The following IL1RAPL2 variants were observed in gnomAD, a reference collection of about 807,000 sequenced individuals.
IL1RAPL2 encodes X-linked interleukin-1 receptor accessory protein-like 2.
Under a neutral mutation model 44.1 loss-of-function variants are expected in IL1RAPL2, and 3 were observed. The observed-to-expected ratio is 0.07, with a 90% confidence interval of 0.03 to 0.18. The LOEUF (loss-of-function observed/expected upper bound fraction) is 0.18, where lower values mean the gene tolerates loss of function less well. Among genes scored for constraint, IL1RAPL2 ranks in the 10% least tolerant of loss-of-function variants. The probability of loss-of-function intolerance (pLI) is 1.00; values close to 1 mark genes in which losing one functional copy is unlikely to be tolerated. For synonymous variants in IL1RAPL2, 181 were observed against 178.8 expected, an observed-to-expected ratio of 1.01 and a Z score of -0.10; for missense variants, 391 against 496.4, an observed-to-expected ratio of 0.79 and a Z score of 2.02.
intron 6 of IL1RAPL2, among the ~76,000 whole-genome samples, chrX:105,601,053 C>T (rs1569457709): frequency 9.0e-6 from 1 of 111,440 alleles, no homozygotes; most frequent in East Asian, 2.8e-4. Flanking sequence ...TTTGTATATC[C>T]TGTTCTATGA....
At chrX:105,236,746 A>G (rs2034123328) in intron 4 of IL1RAPL2, among the ~76,000 whole-genome samples, 1 of 112,455 alleles carries the variant, frequency 8.9e-6, no homozygotes, top group African/African-American at 3.2e-5. Flanking sequence ...AAAATGTACC[A>G]ACATATTAGG....
chrX:104,861,769 T>A (rs1922501774), intron 2 of IL1RAPL2, among the ~76,000 whole-genome samples: 1 of 111,849 alleles, frequency 8.9e-6, no homozygotes, highest in Admixed American at 9.5e-5. Context: ...TTACTTTCAA[T>A]ACCTAATAAA....
chrX:105,540,523 T>C (rs1414348279), intron 6 of IL1RAPL2, among the ~76,000 whole-genome samples: 1 of 108,999 alleles, frequency 9.2e-6, no homozygotes, highest in East Asian at 2.9e-4. Flanking sequence ...TGGGGACTAC[T>C]AGAGGGAAGA....
chrX:104,676,326 C>A (rs1930756508), intron 2 of IL1RAPL2, among the ~76,000 whole-genome samples: 2 of 111,329 alleles, frequency 1.8e-5, no homozygotes, highest in Admixed American at 1.9e-4. Flanking sequence ...CTTTGCTTGT[C>A]TGTAAAGGAT....
intron 2 of IL1RAPL2, among the ~76,000 whole-genome samples, chrX:105,002,929 G>A (rs761664018): frequency 9.0e-6 from 1 of 111,220 alleles, no homozygotes; most frequent in Admixed American, 9.6e-5. Context: ...GAATTCTAAG[G>A]TTTTTTCATG....
chrX:104,595,693 A>T (rs1281211525), intron 1 of IL1RAPL2, among the ~76,000 whole-genome samples: 5 of 112,000 alleles, frequency 4.5e-5, no homozygotes, highest in Non-Finnish European at 9.4e-5. Flanking sequence ...AGACACAAGG[A>T]ATAGAGAGAG....
chrX:105,623,431 G>A (rs2037433729), intron 6 of IL1RAPL2, among the ~76,000 whole-genome samples: 1 of 110,738 alleles, frequency 9.0e-6, no homozygotes, highest in African/African-American at 3.3e-5. Flanking sequence ...ATTTAGGCCT[G>A]ATACTACAGA....
At chrX:104,876,812 C>T (rs1488822611) in intron 2 of IL1RAPL2, among the ~76,000 whole-genome samples, 2 of 107,976 alleles carry the variant, frequency 1.9e-5, no homozygotes, top group African/African-American at 3.4e-5. Context: ...ATGTGCCATG[C>T]TGGTGCGCTG....
intron 2 of IL1RAPL2, among the ~76,000 whole-genome samples, chrX:104,802,142 C>T (rs868176201): frequency 2.7e-5 from 3 of 110,169 alleles, no homozygotes; most frequent in African/African-American, 9.9e-5. Context: ...GTCAGGAGTT[C>T]GAGACCAGCC....
intron 2 of IL1RAPL2, among the ~76,000 whole-genome samples, chrX:105,133,975 T>C (rs1383856414): frequency 8.9e-6 from 1 of 111,807 alleles, no homozygotes; most frequent in Middle Eastern, 4.2e-3. Flanking sequence ...TGCAGGTATT[T>C]TCTTATCAGA....
chrX:104,902,463 G>A (rs1923849112), intron 2 of IL1RAPL2, among the ~76,000 whole-genome samples: 1 of 112,087 alleles, frequency 8.9e-6, no homozygotes, highest in Non-Finnish European at 1.9e-5. Context: ...ATTTCTCTAG[G>A]TTAGTAGGAA....
chrX:104,656,962 T>C, intron 1 of IL1RAPL2, among the ~76,000 whole-genome samples: 1 of 111,032 alleles, frequency 9.0e-6, no homozygotes, highest in Non-Finnish European at 1.9e-5. Context: ...TCTTTGTAGG[T>C]TTAAAGTCTG....
intron 6 of IL1RAPL2, among the ~76,000 whole-genome samples, chrX:105,712,630 A>G (rs918637383): frequency 9.0e-6 from 1 of 110,949 alleles, no homozygotes. Flanking sequence ...CTCCCTCATT[A>G]TCATGAGAAT....
intron 1 of IL1RAPL2, among the ~76,000 whole-genome samples, chrX:104,622,478 T>C (rs1044365950): frequency 2.7e-5 from 3 of 109,734 alleles, no homozygotes; most frequent in African/African-American, 1.0e-4. Flanking sequence ...AGCACTGTTT[T>C]GTTCATTTAT....
intron 1 of IL1RAPL2, among the ~76,000 whole-genome samples, chrX:104,650,205 G>T (rs911397810): frequency 9.0e-6 from 1 of 111,106 alleles, no homozygotes; most frequent in Admixed American, 9.6e-5. Flanking sequence ...CATGGCAGGG[G>T]GGAAGACTCT....
intron 2 of IL1RAPL2, among the ~76,000 whole-genome samples, chrX:104,847,907 A>G (rs1024677821): frequency 7.2e-5 from 8 of 110,919 alleles, no homozygotes; most frequent in African/African-American, 1.3e-4. Flanking sequence ...GAGGTCCTTC[A>G]CATCCCTTGT....
At chrX:104,916,650 T>A (rs1487931698) in intron 2 of IL1RAPL2, among the ~76,000 whole-genome samples, 10 of 111,696 alleles carry the variant, frequency 9.0e-5, no homozygotes, top group Non-Finnish European at 1.7e-4. Flanking sequence ...TTGTGCCTGT[T>A]TTCAAAGGGA....
chrX:105,425,822 A>T (rs955360213), intron 5 of IL1RAPL2, among the ~76,000 whole-genome samples: 7 of 98,155 alleles, frequency 7.1e-5, no homozygotes, highest in Middle Eastern at 4.8e-3. Context: ...AGTTTATTTT[A>T]AAAAAATGCT....
intron 6 of IL1RAPL2, among the ~76,000 whole-genome samples, chrX:105,552,341 G>A (rs184077229): frequency 2.7e-5 from 3 of 111,988 alleles, no homozygotes; most frequent in African/African-American, 9.7e-5. Flanking sequence ...ATTCTTAAAC[G>A]TATAACAAGC....
Sources: allele counts gnomAD v4.1 joint callset (sites outside exome capture counted in the v4.1 genomes callset), GRCh38; gene constraint gnomAD v4.1.1; transcripts MANE v1.5; gene names NCBI Gene and HGNC (gene_info 2026-07-23, HGNC 2026-07-21).